Variants in KIAA0825 observed in about 807,000 individuals in gnomAD.
The protein encoded by KIAA0825 is KIAA0825.
In KIAA0825, 119 loss-of-function variants were observed where a neutral mutation model predicts 147.6. That is an observed-to-expected ratio of 0.81 (90% CI 0.69 to 0.94). KIAA0825 has a LOEUF of 0.94. KIAA0825 is among the 40% of genes least tolerant of loss of function. The probability of loss-of-function intolerance (pLI) is 0.00; values close to 1 mark genes in which losing one functional copy is unlikely to be tolerated. For synonymous variants in KIAA0825, 470 were observed against 518.1 expected, an observed-to-expected ratio of 0.91 and a Z score of 1.26; for missense variants, 1,381 against 1,472.7, an observed-to-expected ratio of 0.94 and a Z score of 1.02.
chr5:94,329,746 C>T (rs943077388), intron 20 of KIAA0825, among the ~76,000 whole-genome samples: 3 of 151,970 alleles, frequency 2.0e-5, no homozygotes, highest in Non-Finnish European at 4.4e-5. Context: ...TTTTTCCCTC[C>T]CCCCCTTTTT....
At chr5:94,354,510 G>T (rs1212792014) in intron 20 of KIAA0825, among the ~76,000 whole-genome samples, 1 of 151,832 alleles carries the variant, frequency 6.6e-6, no homozygotes, top group Non-Finnish European at 1.5e-5. Flanking sequence ...TGATGTTCCA[G>T]AGTCTATTTA....
intron 20 of KIAA0825, among the ~76,000 whole-genome samples, chr5:94,294,630 G>A (rs571485424): frequency 1.3e-5 from 2 of 152,354 alleles, no homozygotes; most frequent in South Asian, 4.1e-4. Context: ...GGAGGCTGAG[G>A]CAGGGGAATC....
intron 2 of KIAA0825, among the ~76,000 whole-genome samples, chr5:94,541,583 G>A (rs1056230406): frequency 1.3e-5 from 2 of 152,194 alleles, no homozygotes; most frequent in African/African-American, 2.4e-5. Flanking sequence ...AGTTACAGGG[G>A]TATTATTCAG....
intron 20 of KIAA0825, among the ~76,000 whole-genome samples, chr5:94,199,694 CAT>C (rs1771480292): frequency 6.6e-6 from 1 of 152,168 alleles, no homozygotes; most frequent in Non-Finnish European, 1.5e-5. Context: ...TGGCAGCACT[CAT>C]GTGCTGGTGG....
At chr5:94,583,533 G>A (rs1001042972) in intron 1 of KIAA0825, among the ~76,000 whole-genome samples, 19 of 152,308 alleles carry the variant, frequency 1.2e-4, no homozygotes, top group African/African-American at 3.8e-4. Context: ...AGCTCGAACT[G>A]GGTAGAGCCC....
intron 20 of KIAA0825, among the ~76,000 whole-genome samples, chr5:94,277,908 A>G (rs976702104): frequency 4.6e-5 from 7 of 152,218 alleles, no homozygotes; most frequent in Non-Finnish European, 8.8e-5. Flanking sequence ...TGTGGCACAT[A>G]TACACCGTGG....
At chr5:94,243,087 G>A (rs1262399607) in intron 20 of KIAA0825, among the ~76,000 whole-genome samples, 1 of 152,188 alleles carries the variant, frequency 6.6e-6, no homozygotes, top group African/African-American at 2.4e-5. Context: ...GGAAGCCTCA[G>A]TTTCTCCTCT....
rs574930791 is a variant in KIAA0825 at position 94,309,803 on chromosome 5, T to C, written c.3710+74565A>G. ...CCTAAACAGAGAGGGACAAGGAGAG[T>C]GCATGAAACCTCACACAGTATAAAT... On this transcript the variant is annotated intron_variant, in intron 20 of 20. Coordinates refer to ENST00000682413, the MANE Select transcript of KIAA0825 (RefSeq NM_001145678.3). Among the ~76,000 whole-genome samples the C allele has an allele frequency of 1.3e-4, 19 of 151,622 alleles. 1 individual carries two copies. In the South Asian group the frequency reaches 3.3e-3, roughly 26 times the overall value.
At chr5:94,402,539 CAGAT>C (rs1751515941) in intron 16 of KIAA0825, among the ~76,000 whole-genome samples, 1 of 151,708 alleles carries the variant, frequency 6.6e-6, no homozygotes, top group South Asian at 2.1e-4. Flanking sequence ...TGAAAGGTCA[CAGAT>C]AGATAATTGA....
intron 1 of KIAA0825, among the ~76,000 whole-genome samples, chr5:94,585,302 C>T (rs879410715): frequency 6.6e-5 from 10 of 152,096 alleles, no homozygotes; most frequent in Admixed American, 2.0e-4. Flanking sequence ...ACCCATCTCA[C>T]GTGCAAAGAC....
chr5:94,364,266 C>T (rs974265241), intron 20 of KIAA0825, among the ~76,000 whole-genome samples: 13 of 151,402 alleles, frequency 8.6e-5, no homozygotes, highest in African/African-American at 2.9e-4. Context: ...AGTGGGTCTT[C>T]GACGGGCAGA....
chr5:94,598,997 G>A (rs1785816260), intron 1 of KIAA0825, among the ~76,000 whole-genome samples: 1 of 152,132 alleles, frequency 6.6e-6, no homozygotes, highest in South Asian at 2.1e-4. Context: ...TCAGTAGAGG[G>A]ACAGCTGGAT....
intron 20 of KIAA0825, among the ~76,000 whole-genome samples, chr5:94,317,149 T>TG (rs1779733078): frequency 6.6e-6 from 1 of 151,838 alleles, no homozygotes; most frequent in South Asian, 2.1e-4. Context: ...GGTGGTTTCC[T>TG]TCCCACCACT....
At chr5:94,369,252 G>A (rs780249727) in intron 20 of KIAA0825, among the ~76,000 whole-genome samples, 9 of 152,134 alleles carry the variant, frequency 5.9e-5, no homozygotes, top group Non-Finnish European at 1.0e-4. Flanking sequence ...CTAGAGATAC[G>A]GATTCAAGAC....
At chr5:94,401,500 A>T (rs746170516) in intron 16 of KIAA0825, among the ~76,000 whole-genome samples, 1 of 152,090 alleles carries the variant, frequency 6.6e-6, no homozygotes, top group Non-Finnish European at 1.5e-5. Context: ...CTAATTCATT[A>T]CTGTGTGCTG....
At chr5:94,342,245 A>G (rs1251753652) in intron 20 of KIAA0825, among the ~76,000 whole-genome samples, 1 of 151,938 alleles carries the variant, frequency 6.6e-6, no homozygotes, top group Non-Finnish European at 1.5e-5. Context: ...TTGTCTCACT[A>G]AAAAAAATTT....
chr5:94,352,630 A>G (rs1014409095), intron 20 of KIAA0825, among the ~76,000 whole-genome samples: 1 of 152,240 alleles, frequency 6.6e-6, no homozygotes, highest in Non-Finnish European at 1.5e-5. Context: ...GCATGTTTAT[A>G]GCCGCACAAT....
At chr5:94,197,717 T>G (rs573626918) in intron 20 of KIAA0825, among the ~76,000 whole-genome samples, 143 of 152,348 alleles carry the variant, frequency 9.4e-4, no homozygotes, top group African/African-American at 2.8e-3. Context: ...CCAGCACCAC[T>G]TACTGAATGA....
chr5:94,276,691 AGATT>A (rs756590629), intron 20 of KIAA0825, among the ~76,000 whole-genome samples: 7 of 152,098 alleles, frequency 4.6e-5, no homozygotes, highest in South Asian at 2.1e-4. Flanking sequence ...AATAAGAAAT[AGATT>A]GATTAAGATT....
Sources: allele counts gnomAD v4.1 joint callset (sites outside exome capture counted in the v4.1 genomes callset), GRCh38; gene constraint gnomAD v4.1.1; transcripts MANE v1.5; gene names NCBI Gene and HGNC (gene_info 2026-07-23, HGNC 2026-07-21).